The following RBBP8 variants were observed in gnomAD, a reference collection of about 807,000 sequenced individuals.
The protein encoded by RBBP8 is RB binding protein 8, endonuclease.
A neutral mutation model predicts 108.3 loss-of-function variants in RBBP8; 88 were observed. The ratio of observed to expected loss-of-function variants is 0.81; its 90% CI spans 0.68 to 0.97. The LOEUF (loss-of-function observed/expected upper bound fraction) is 0.97, where lower values mean the gene tolerates loss of function less well. Among genes scored for constraint, RBBP8 ranks in the 50% least tolerant of loss-of-function variants. RBBP8 has a pLI of 0.00. For missense variants in RBBP8, 1,023 were observed against 1,049.0 expected (o/e 0.98, Z 0.34); for synonymous variants, 332 against 348.2 (o/e 0.95, Z 0.52).
Position 22,997,856 on chromosome 18 carries a change from T to C in RBBP8, c.2143+122T>C, listed in dbSNP as rs569630000. ...ATAAAGCAGGTTTTTTCCTGCTCTGTTAACTTTATGTTCCTCTTAGGAAAG... is the reference window on the plus strand; with the variant it reads ...ATAAAGCAGGTTTTTTCCTGCTCTGCTAACTTTATGTTCCTCTTAGGAAAG... On this transcript the variant is annotated intron_variant, in intron 14 of 18. Transcript: ENST00000327155. 24 of 739,084 alleles carry C rather than the reference T, an allele frequency of 3.2e-5. No homozygotes were observed. The East Asian group carries it at 6.2e-4, about 19-fold the overall frequency. 45.8% of individuals were successfully genotyped at this position (739,084 alleles called of 1,614,324 possible).
intron 6 of RBBP8, 58 bp from the exon 7 acceptor site, chr18:22,982,160 T>C: frequency 6.6e-7 from 1 of 1,517,192 alleles, no homozygotes; most frequent in Admixed American, 1.7e-5. Context: ...CCATGCCATG[T>C]AGTAAATGTT....
chr18:22,985,931 A>G (rs1385302727), intron 8 of RBBP8, among the ~76,000 whole-genome samples: 1 of 152,112 alleles, frequency 6.6e-6, no homozygotes, highest in African/African-American at 2.4e-5. Flanking sequence ...ATGTAAAGTC[A>G]TGATTTTCAA....
chr18:22,935,818 T>G (rs1910526923), intron 1 of RBBP8, among the ~76,000 whole-genome samples: 1 of 152,228 alleles, frequency 6.6e-6, no homozygotes, highest in Non-Finnish European at 1.5e-5. Flanking sequence ...ATAAACTTAA[T>G]GATTCACCTT....
At chr18:22,944,640 CTTAT>C (rs1302379317) in intron 2 of RBBP8, among the ~76,000 whole-genome samples, 3 of 152,072 alleles carry the variant, frequency 2.0e-5, no homozygotes, top group African/African-American at 7.2e-5. Context: ...TTTTCACCAT[CTTAT>C]TTATAACATT....
intron 5 of RBBP8, among the ~76,000 whole-genome samples, chr18:22,974,014 C>G (rs1418866777): frequency 1.3e-5 from 2 of 152,186 alleles, no homozygotes; most frequent in African/African-American, 4.8e-5. Context: ...TTAATAACCT[C>G]ACATGTTGTA....
At chr18:22,974,107 A>G (rs915393474) in intron 5 of RBBP8, among the ~76,000 whole-genome samples, 1 of 152,218 alleles carries the variant, frequency 6.6e-6, no homozygotes, top group Non-Finnish European at 1.5e-5. Context: ...TTAGAGTACA[A>G]TTAACCTTCT....
At chr18:23,016,648 A>G in intron 16 of RBBP8, 180 bp from the exon 17 acceptor site, 1 of 606,784 alleles carries the variant, frequency 1.6e-6, no homozygotes, top group South Asian at 2.0e-5. Context: ...TTTTTTAGTT[A>G]GAAAAAAATA....
At chr18:22,919,087 A>C (rs1895249723) in intron 3 of RBBP8, among the ~76,000 whole-genome samples, 1 of 152,222 alleles carries the variant, frequency 6.6e-6, no homozygotes, top group Non-Finnish European at 1.5e-5. Context: ...AAGAGGATTT[A>C]ACATTTTCTA....
At chr18:22,923,142 A>ATG (rs1909664677) in intron 3 of RBBP8, among the ~76,000 whole-genome samples, 1 of 152,174 alleles carries the variant, frequency 6.6e-6, no homozygotes, top group Non-Finnish European at 1.5e-5. Flanking sequence ...TCTTACATAT[A>ATG]TATATATATC....
intron 2 of RBBP8, among the ~76,000 whole-genome samples, chr18:22,938,281 G>A (rs559813245): frequency 2.6e-5 from 4 of 151,964 alleles, no homozygotes; most frequent in African/African-American, 7.3e-5. Context: ...ACAGGCGCAC[G>A]CACCATGCCC....
rs375246496 is a variant in RBBP8 at position 22,924,127 on chromosome 18, G to T, written c.-153-5256G>T. Among the ~76,000 whole-genome samples, 126 of 108,242 alleles carry T rather than the reference G, an allele frequency of 1.2e-3. 1 individual carries two copies. The highest frequency in any genetic ancestry group is 5.0e-3 in the South Asian group (16 of 3,226). The allele number at this position is 108,242 out of a possible 152,430, so 71.0% of individuals were successfully genotyped here. A position where few individuals can be genotyped will look rare whatever the true frequency, so the allele number is the denominator to read the frequency against. On this transcript the variant is annotated intron_variant, in intron 3 of 4. Coordinates refer to the RBBP8 transcript ENST00000577588. ...GCATTTTTTAGTTAGTTTGTTTTTG[G>T]TTTTTTTTTTTTTTTTTTTTGAGAC...
At chr18:22,999,003 T>C (rs1598727499) in intron 14 of RBBP8, among the ~76,000 whole-genome samples, 1 of 152,234 alleles carries the variant, frequency 6.6e-6, no homozygotes, top group Non-Finnish European at 1.5e-5. Flanking sequence ...TGATCATGTT[T>C]TTCTCATTTT....
At chr18:22,956,074 T>G (rs1206747745) in intron 4 of RBBP8, among the ~76,000 whole-genome samples, 2 of 152,182 alleles carry the variant, frequency 1.3e-5, no homozygotes, top group African/African-American at 4.8e-5. Flanking sequence ...TTGCCTATTG[T>G]ATAGTCTGTT....
Position 22,982,140 on chromosome 18 carries a change from T to A in RBBP8, c.429-78T>A. 3 of 1,460,694 alleles carry A rather than the reference T, an allele frequency of 2.1e-6. No individual in the cohort carries two copies. The South Asian group carries it at 3.6e-5, about 17-fold the overall frequency. 90.5% of individuals were successfully genotyped at this position (1,460,694 alleles called of 1,614,324 possible). A position where few individuals can be genotyped will look rare whatever the true frequency, so the allele number is the denominator to read the frequency against. On this transcript the variant is annotated intron_variant, in intron 6 of 18. Transcript: ENST00000327155. ...CCCTTAGAGCTTCATGTTTGTGTTC[T>A]ACTGTAACTCCATGCCATGTAGTAA... is the stretch of plus-strand genomic sequence containing the variant.
At chr18:22,966,719 C>CTTTTTTTTTTTTTTTT (rs796853895) in intron 4 of RBBP8, among the ~76,000 whole-genome samples, 1 of 128,122 alleles carries the variant, frequency 7.8e-6, no homozygotes, top group African/African-American at 2.9e-5. Context: ...TACTTACTAT[C>CTTTTTTTTTTTTTTTT]TTTTTTTTTT....
intron 16 of RBBP8, among the ~76,000 whole-genome samples, chr18:23,006,996 C>T (rs545874510): frequency 5.4e-5 from 8 of 148,672 alleles, no homozygotes; most frequent in Non-Finnish European, 8.9e-5. Context: ...TGTGTGTGTG[C>T]GTGTGCATGT....
At chr18:22,949,538 T>C (rs967612469) in intron 3 of RBBP8, 80 bp from the exon 4 acceptor site, 5 of 1,037,914 alleles carry the variant, frequency 4.8e-6, no homozygotes, top group East Asian at 4.7e-5. Flanking sequence ...AAATTTGTTA[T>C]ATAAACACGG....
chr18:22,982,258 G>A lies in RBBP8; in HGVS notation c.469G>A (p.Glu157Lys). 6.2e-7 allele frequency: 1 copy of A among 1,614,102 alleles called. No individual in the cohort carries two copies. The highest frequency in any genetic ancestry group is 8.5e-7 in the Non-Finnish European group (1 of 1,179,982). Residue 157 changes from glutamate (E) to lysine (K), a missense_variant, in exon 7 of 19, where the codon GAA becomes AAA. By Grantham distance (56) the Glu-to-Lys change is moderately conservative (BLOSUM62 1). Coordinates refer to ENST00000327155, the MANE Select transcript of RBBP8 (RefSeq NM_002894.3). Reference sequence around the variant, plus strand: ...TCAAGCAGCTGAGCTTGAATGTGAGGAAGACGTTATTCCAGATTCACCGAT... The same window carrying A: ...TCAAGCAGCTGAGCTTGAATGTGAGAAAGACGTTATTCCAGATTCACCGAT... Reference protein sequence around the residue: ...QHQAAELECEEDVIPDSPITA... With the variant: ...QHQAAELECEKDVIPDSPITA...
At chr18:22,999,726 A>G (rs1438927199) in intron 14 of RBBP8, among the ~76,000 whole-genome samples, 1 of 152,192 alleles carries the variant, frequency 6.6e-6, no homozygotes, top group African/African-American at 2.4e-5. Flanking sequence ...ACCAATAAAA[A>G]TTCCATATTA....
Sources: gnomAD v4.1 joint callset for allele counts (sites outside exome capture counted in the v4.1 genomes callset) on GRCh38, gnomAD v4.1.1 for gene constraint, MANE v1.5 for transcripts, NCBI Gene and HGNC (gene_info 2026-07-23, HGNC 2026-07-21) for gene names.